The following ZNF782 variants were observed in gnomAD, a reference collection of about 807,000 sequenced individuals.
ZNF782 encodes the protein zinc finger protein 782.
In ZNF782, 12 loss-of-function variants were observed where a neutral mutation model predicts 13.0. That is an observed-to-expected ratio of 0.92 (90% confidence interval 0.59 to 1.50). The LOEUF (loss-of-function observed/expected upper bound fraction) is 1.50. ZNF782 is among the 40% of genes most tolerant of loss of function. The pLI, the probability that ZNF782 is intolerant of heterozygous loss-of-function variation, is 0.00. For synonymous variants in ZNF782, 284 were observed against 283.0 expected (o/e 1.00, Z -0.04); for missense variants, 770 against 822.9 (o/e 0.94, Z 0.79).
At chr9:96,889,785 T>C in the ZNF782 span, 1 of 152,198 alleles carries the variant, frequency 6.6e-6, no homozygotes, top group Non-Finnish European at 1.5e-5. Flanking sequence ...TGTGTGTGTA[T>C]ATGTGTATAT....
chr9:96,926,087 C>T, the ZNF782 span, among the ~76,000 whole-genome samples: 1 of 127,248 alleles, frequency 7.9e-6, no homozygotes, highest in Non-Finnish European at 1.6e-5. Flanking sequence ...CATACAGAAG[C>T]GATTGCAGAA....
At chr9:96,819,822 T>C in intron 5 of ZNF782, 44 bp from the exon 6 acceptor site, 3 of 1,466,160 alleles carry the variant, frequency 2.0e-6, no homozygotes, top group East Asian at 2.4e-5. Flanking sequence ...ATTTAACACA[T>C]TTCTTATGGA....
chr9:96,818,500 C>T lies in ZNF782; in HGVS notation c.1523G>A (p.Cys508Tyr). The T allele has an allele frequency of 6.2e-7, 1 of 1,613,866 alleles. No individual in the cohort carries two copies. The highest frequency in any genetic ancestry group is 8.5e-7 in the Non-Finnish European group (1 of 1,179,970). The change falls in exon 6 of 6, where the codon TGT becomes TAT. Residue 508 changes from cysteine to tyrosine, a missense_variant. Transcript: ENST00000481138. ...RTHTGERPYK[C>Y]DECGKAFKLK... ...TTTGAAAGCTTTCCCACATTCATCA[C>T]ATTTATATGGTCTTTCCCCTGTGTG... is the stretch of plus-strand genomic sequence containing the variant.
chr9:96,857,161 A>C (rs1170165476), upstream of ZNF782, among the ~76,000 whole-genome samples: 1 of 152,218 alleles, frequency 6.6e-6, no homozygotes, highest in Non-Finnish European at 1.5e-5. Context: ...GTCAGACATT[A>C]CATGTGGTAG....
chr9:96,865,608 G>C (rs1318530888), intron 1 of ZNF782, among the ~76,000 whole-genome samples: 12 of 152,202 alleles, frequency 7.9e-5, no homozygotes, highest in Non-Finnish European at 2.9e-5. Flanking sequence ...CAGTAGAGTG[G>C]GGTGCTACTG....
the ZNF782 span, among the ~76,000 whole-genome samples, chr9:96,912,588 G>T: frequency 4.6e-5 from 7 of 150,670 alleles, no homozygotes; most frequent in East Asian, 1.4e-3. Context: ...GAGTGCAGTG[G>T]CACGATCTTG....
At chr9:96,925,628 CAA>C in the ZNF782 span, among the ~76,000 whole-genome samples, 4,440 of 85,424 alleles carry the variant, frequency 0.052, 201 homozygotes, top group African/African-American at 0.15. Flanking sequence ...GACTCTATCT[CAA>C]AAAAAAAAAA....
At chr9:96,874,647 C>T (rs1851871049) in intron 1 of ZNF782, among the ~76,000 whole-genome samples, 1 of 152,324 alleles carries the variant, frequency 6.6e-6, no homozygotes, top group South Asian at 2.1e-4. Context: ...TCTGGCTATG[C>T]TCCGTCCTGT....
the ZNF782 span, among the ~76,000 whole-genome samples, chr9:96,914,448 A>G: frequency 6.6e-6 from 1 of 151,942 alleles, no homozygotes; most frequent in Non-Finnish European, 1.5e-5. Flanking sequence ...TGAAATCCGC[A>G]CATAATTTAT....
At chr9:96,876,239 G>A (rs979629279), upstream of ZNF782, among the ~76,000 whole-genome samples, 1 of 152,228 alleles carries the variant, frequency 6.6e-6, no homozygotes, top group Non-Finnish European at 1.5e-5. Flanking sequence ...TAACTGTTAA[G>A]TGGAGTTATA....
chr9:96,887,319 A>AAGGGAGGGAGGGAGGGAGGG, the ZNF782 span: 1 of 140,784 alleles, frequency 7.1e-6, no homozygotes, highest in African/African-American at 3.2e-5. Flanking sequence ...GGAAGGAAGG[A>AAGGGAGGGAGGGAGGGAGGG]AGGAAGGAAG....
At chr9:96,875,319 A>G in intron 1 of ZNF782, 1 of 365,900 alleles carries the variant, frequency 2.7e-6, no homozygotes, top group Non-Finnish European at 5.4e-6. Flanking sequence ...TCACTTACTC[A>G]GGGTTTAGTA....
chr9:96,909,980 T>G, the ZNF782 span: 5 of 475,984 alleles, frequency 1.1e-5, no homozygotes, highest in African/African-American at 1.0e-4. Flanking sequence ...TCGCCGCGGC[T>G]GCCTCCACCG....
chr9:96,932,526 G>C, the ZNF782 span: 1 of 1,276,568 alleles, frequency 7.8e-7, no homozygotes, highest in East Asian at 2.4e-5. Context: ...GCGGTTGTGA[G>C]GGTGATGGGT....
the ZNF782 span, chr9:96,887,338 G>GAAGGAAGGAAGA: frequency 3.0e-4 from 39 of 128,260 alleles, no homozygotes; most frequent in African/African-American, 8.8e-4. Context: ...AGGAAGGAAG[G>GAAGGAAGGAAGA]AAGAAAGAAA....
At chr9:96,931,875 C>CT in the ZNF782 span, 1 of 1,612,346 alleles carries the variant, frequency 6.2e-7, no homozygotes, top group Non-Finnish European at 8.5e-7. Context: ...CTGGTGCTCT[C>CT]TGCCTTCCCC....
intron 5 of ZNF782, among the ~76,000 whole-genome samples, chr9:96,820,541 T>A (rs1385636803): frequency 6.9e-6 from 1 of 144,090 alleles, no homozygotes; most frequent in African/African-American, 2.7e-5. Context: ...CAATAGTGAA[T>A]CTTTTTTTTT....
chr9:96,878,778 ATTAT>A (rs1269552168), upstream of ZNF782, among the ~76,000 whole-genome samples: 3 of 152,276 alleles, frequency 2.0e-5, no homozygotes, highest in East Asian at 1.9e-4. Flanking sequence ...TATTTGTGAG[ATTAT>A]TTCTTTGCAC....
intron 1 of ZNF782, among the ~76,000 whole-genome samples, chr9:96,871,833 T>C (rs182860322): frequency 9.4e-4 from 143 of 152,314 alleles, no homozygotes; most frequent in African/African-American, 3.3e-3. Context: ...CACTAAGCCT[T>C]TTGGAATTGT....
Sources: allele counts gnomAD v4.1 joint callset (sites outside exome capture counted in the v4.1 genomes callset), GRCh38; gene constraint gnomAD v4.1.1; transcripts MANE v1.5; gene names NCBI Gene and HGNC (gene_info 2026-07-23, HGNC 2026-07-21).